Variants in IFT74 observed in about 807,000 individuals in gnomAD.
IFT74 encodes intraflagellar transport protein 74 homolog.
IFT74 carries 92 observed loss-of-function variants against 96.7 expected under a neutral mutation model. The observed-to-expected ratio is 0.95, with a 90% CI of 0.80 to 1.13. The LOEUF is 1.13. Ranked by LOEUF, IFT74 falls within the 50% of genes most tolerant of loss-of-function variation. The pLI, the probability that IFT74 is intolerant of heterozygous loss-of-function variation, is 0.00. For synonymous variants in IFT74, 223 were observed against 213.2 expected (o/e 1.05, Z -0.40); for missense variants, 811 against 698.2 (o/e 1.16, Z -1.82).
intron 6 of IFT74, among the ~76,000 whole-genome samples, chr9:26,986,356 C>T (rs1369744008): frequency 6.7e-6 from 1 of 150,232 alleles, no homozygotes; most frequent in Non-Finnish European, 1.5e-5. Context: ...TGCTCTGTTG[C>T]CCAAGCTGGA....
Position 26,984,555 on chromosome 9 carries a change from A to C in IFT74, c.461A>C (p.Asn154Thr), listed in dbSNP as rs1485819532. 6.2e-7 allele frequency: 1 copy of C among 1,608,342 alleles called. No homozygotes were observed. ...CTTCAAGGACAACTAGCAGACTACA[A>C]CATGGTATTTTATCTTTTCTAAGAG... The part of the protein sequence containing the change: ...KELQGQLADY[N>T]MLVDKLNTNT... Residue 154 changes from asparagine (N) to threonine (T), a missense_variant, in exon 6 of 20, where the codon AAC becomes ACC. Asn to Thr is a moderately conservative substitution (Grantham distance 65). Coordinates refer to ENST00000380062, the MANE Select transcript of IFT74 (RefSeq NM_025103.4).
chr9:27,033,729 A>G (rs1287607046), intron 13 of IFT74, among the ~76,000 whole-genome samples: 1 of 151,828 alleles, frequency 6.6e-6, no homozygotes, highest in African/African-American at 2.4e-5. Flanking sequence ...GTGCTGCACT[A>G]GTACATTCAT....
chr9:26,991,984 G>A (rs141497640), intron 8 of IFT74, among the ~76,000 whole-genome samples: 87 of 151,738 alleles, frequency 5.7e-4, no homozygotes, highest in Middle Eastern at 3.4e-3. Flanking sequence ...AGCTGAGGTC[G>A]CGCCATCGTG....
chr9:27,052,491 G>A (rs1819969817), intron 16 of IFT74, among the ~76,000 whole-genome samples: 1 of 122,606 alleles, frequency 8.2e-6, no homozygotes, highest in African/African-American at 3.1e-5. Flanking sequence ...CTGGGCAACA[G>A]AGTGAAAATC....
At chr9:27,060,950 A>G (rs1305685418) in intron 19 of IFT74, 1 of 203,212 alleles carries the variant, frequency 4.9e-6, no homozygotes, top group African/African-American at 2.6e-5. Flanking sequence ...CGACAGAGCA[A>G]GACTCCATCT....
At chr9:27,013,621 T>C (rs916239583) in intron 10 of IFT74, among the ~76,000 whole-genome samples, 10 of 152,250 alleles carry the variant, frequency 6.6e-5, no homozygotes, top group Non-Finnish European at 1.3e-4. Context: ...ATTACTACCT[T>C]ATTTGAATTT....
At chr9:27,019,441 C>T (rs1013215031) in intron 12 of IFT74, among the ~76,000 whole-genome samples, 10 of 151,826 alleles carry the variant, frequency 6.6e-5, no homozygotes, top group African/African-American at 2.4e-4. Context: ...CTTGCTTTCT[C>T]GAAGATCAGC....
At chr9:26,983,760 T>A (rs1256000628) in intron 4 of IFT74, 1 of 150,824 alleles carries the variant, frequency 6.6e-6, no homozygotes, top group African/African-American at 2.5e-5. Flanking sequence ...TAGAATAGGA[T>A]GGGATATACC....
intron 1 of IFT74, among the ~76,000 whole-genome samples, chr9:26,958,494 A>T (rs1330051886): frequency 2.0e-5 from 3 of 152,200 alleles, no homozygotes; most frequent in Non-Finnish European, 2.9e-5. Flanking sequence ...AGAGTAAAGT[A>T]CCTGTTAAAC....
At position 27,063,792 on chromosome 9, in the gene IFT74, T is replaced by C. The variant is rs1174554035; in HGVS notation, c.*1056T>C. 6.6e-6 allele frequency among the ~76,000 whole-genome samples: 1 copy of C among 152,108 alleles called. No homozygotes were observed. The highest frequency in any genetic ancestry group is 1.5e-5 in the Non-Finnish European group (1 of 67,948). On this transcript the variant is annotated 3_prime_UTR_variant, in exon 20 of 20. Transcript: ENST00000380062. ...TTTTAAAAATAAATATTTATAATGGTAAATTATTCAAATTCAGTCTATATA... is the reference window on the plus strand; with the variant it reads ...TTTTAAAAATAAATATTTATAATGGCAAATTATTCAAATTCAGTCTATATA...
chr9:27,054,135 T>C (rs560487146), intron 16 of IFT74, among the ~76,000 whole-genome samples: 26 of 152,334 alleles, frequency 1.7e-4, no homozygotes, highest in African/African-American at 6.3e-4. Context: ...CAGCCTGTTT[T>C]CTCAAATCAG....
chr9:27,055,456 T>G (rs1463427384), intron 16 of IFT74, among the ~76,000 whole-genome samples, 153 bp from the exon 17 acceptor site: 2 of 152,160 alleles, frequency 1.3e-5, no homozygotes, highest in Admixed American at 6.5e-5. Context: ...GTATTTTTTT[T>G]TCTTAGTTTA....
At chr9:27,037,043 C>T (rs1312991907) in intron 13 of IFT74, among the ~76,000 whole-genome samples, 1 of 151,888 alleles carries the variant, frequency 6.6e-6, no homozygotes, top group East Asian at 1.9e-4. Flanking sequence ...AATGGTGAAA[C>T]CCCGTCTCTA....
Position 27,009,128 on chromosome 9 carries a change from G to C in IFT74, c.696G>C (p.Glu232Asp). The stretch of plus-strand genomic sequence containing the variant: ...TTGAAAACCAAGTCAAGTACCTAGA[G>C]ATGAAAACCACAAATGAGAAACTGT... ...MSFENQVKYLEMKTTNEKLLQ... is the reference protein window; with the variant it reads ...MSFENQVKYLDMKTTNEKLLQ... Residue 232 changes from glutamate to aspartate, a missense_variant, in exon 9 of 20, where the codon GAG becomes GAC. Coordinates refer to ENST00000380062, the MANE Select transcript of IFT74 (RefSeq NM_025103.4). 1 of 1,613,130 alleles carries C rather than the reference G, an allele frequency of 6.2e-7. No homozygotes were observed. The highest frequency in any genetic ancestry group is 8.5e-7 in the Non-Finnish European group (1 of 1,179,442).
chr9:26,981,929 G>A (rs1827394598), intron 4 of IFT74, among the ~76,000 whole-genome samples: 1 of 151,280 alleles, frequency 6.6e-6, no homozygotes, highest in Non-Finnish European at 1.5e-5. Flanking sequence ...CACCATGCCT[G>A]GCTAATTTTT....
chr9:27,044,724 A>G lies in IFT74; in HGVS notation c.1055-18A>G, dbSNP rs760403397. ...GTGCAATTTTTGAAATTCATGTTGT[A>G]TTTTATATCTCTCATAGGTGAAATG... On this transcript the variant is annotated intron_variant, in intron 13 of 19. Coordinates refer to ENST00000380062, the MANE Select transcript of IFT74 (RefSeq NM_025103.4). 26 of 1,508,028 alleles carry G rather than the reference A, an allele frequency of 1.7e-5. No individual in the cohort carries two copies. The Admixed American group carries it at 2.4e-4, about 14-fold the overall frequency. The allele number at this position is 1,508,028 out of a possible 1,614,324, so 93.4% of individuals were successfully genotyped here.
chr9:26,953,121 G>C (rs1587218333), upstream of IFT74, among the ~76,000 whole-genome samples: 1 of 152,242 alleles, frequency 6.6e-6, no homozygotes, highest in East Asian at 1.9e-4. Flanking sequence ...ATAAGTTAGG[G>C]TATTTATGGT....
At chr9:27,012,137 G>A (rs1829110813) in intron 10 of IFT74, among the ~76,000 whole-genome samples, 169 bp downstream of exon 10, 1 of 152,118 alleles carries the variant, frequency 6.6e-6, no homozygotes, top group Non-Finnish European at 1.5e-5. Flanking sequence ...AGTATGGTAA[G>A]AAATTAGATT....
At chr9:26,956,337 C>G (rs938034433), upstream of IFT74, 1 of 152,242 alleles carries the variant, frequency 6.6e-6, no homozygotes, top group South Asian at 2.1e-4. Context: ...AGGGCTGAGG[C>G]GGAGGATTGG....
Sources: gnomAD v4.1 joint callset for allele counts (sites outside exome capture counted in the v4.1 genomes callset) on GRCh38, gnomAD v4.1.1 for gene constraint, MANE v1.5 for transcripts, NCBI Gene and HGNC (gene_info 2026-07-23, HGNC 2026-07-21) for gene names.